EPHA3: variants seen among roughly 807,000 people sequenced by gnomAD.
EPHA3 encodes the protein ephrin type-A receptor 3.
A neutral mutation model predicts 107.1 loss-of-function variants in EPHA3; 42 were observed. The ratio of observed to expected loss-of-function variants is 0.39; its 90% CI spans 0.31 to 0.51. The LOEUF (loss-of-function observed/expected upper bound fraction) is 0.51, where lower values mean the gene tolerates loss of function less well. Ranked by LOEUF, EPHA3 falls within the 20% of genes least tolerant of loss-of-function variation. EPHA3 has a pLI of 0.78. For missense variants in EPHA3, 1,183 were observed against 1,211.2 expected (o/e 0.98, Z 0.35); for synonymous variants, 461 against 424.8 (o/e 1.09, Z -1.05).
chr3:89,390,874 G>A (rs1053750680), intron 5 of EPHA3, among the ~76,000 whole-genome samples: 71 of 144,906 alleles, frequency 4.9e-4, no homozygotes, highest in Non-Finnish European at 8.8e-4. Flanking sequence ...TGCAACCTCC[G>A]CCTCCCGGGT....
At chr3:89,234,951 CCCTCTTTCCCTT>C (rs1351106219) in intron 3 of EPHA3, among the ~76,000 whole-genome samples, 1 of 144,842 alleles carries the variant, frequency 6.9e-6, no homozygotes, top group African/African-American at 2.6e-5. Flanking sequence ...CTCTCTCCCT[CCCTCTTTCCCTT>C]CCTCCTTCCT....
chr3:89,275,688 A>G (rs1283825691), intron 3 of EPHA3, among the ~76,000 whole-genome samples: 1 of 152,120 alleles, frequency 6.6e-6, no homozygotes, highest in African/African-American at 2.4e-5. Context: ...CACAAGTGAT[A>G]GCAGACAGGG....
chr3:89,409,310 TG>T (rs1433013191), intron 9 of EPHA3, among the ~76,000 whole-genome samples: 1 of 152,040 alleles, frequency 6.6e-6, no homozygotes, highest in Non-Finnish European at 1.5e-5. Context: ...TTTTTCTCAA[TG>T]GGCCCACAAA....
intron 3 of EPHA3, among the ~76,000 whole-genome samples, chr3:89,314,972 T>C (rs1381952886): frequency 2.0e-5 from 3 of 151,900 alleles, no homozygotes; most frequent in African/African-American, 7.2e-5. Flanking sequence ...CTTTTGCTCC[T>C]AGGCTACAAA....
intron 3 of EPHA3, among the ~76,000 whole-genome samples, chr3:89,216,218 A>C (rs1476418274): frequency 6.6e-6 from 1 of 151,996 alleles, no homozygotes; most frequent in African/African-American, 2.4e-5. Context: ...CATCTGAGGC[A>C]TCAGAAAATA....
At chr3:89,330,489 G>A (rs9846844) in intron 3 of EPHA3, among the ~76,000 whole-genome samples, 71,263 of 151,658 alleles carry the variant, frequency 0.47, 17,148 homozygotes, top group African/African-American at 0.55. Flanking sequence ...GAAAAATAAA[G>A]TGGGATGGAA....
intron 7 of EPHA3, among the ~76,000 whole-genome samples, chr3:89,404,837 C>G (rs1277573293): frequency 6.6e-6 from 1 of 152,104 alleles, no homozygotes; most frequent in Non-Finnish European, 1.5e-5. Flanking sequence ...GCTGGCTAAT[C>G]AAAATAACCA....
intron 3 of EPHA3, among the ~76,000 whole-genome samples, chr3:89,236,068 C>A (rs1704752969): frequency 6.6e-6 from 1 of 151,922 alleles, no homozygotes; most frequent in Non-Finnish European, 1.5e-5. Flanking sequence ...TGAATATATA[C>A]ATTTGTTTAT....
chr3:89,395,683 G>A (rs1430218809), intron 5 of EPHA3, among the ~76,000 whole-genome samples, 154 bp from the exon 6 acceptor site: 1 of 152,058 alleles, frequency 6.6e-6, no homozygotes, highest in Non-Finnish European at 1.5e-5. Flanking sequence ...ATATTCAAGA[G>A]CCTTGGAAAT....
At chr3:89,252,148 TG>T (rs757289991) in intron 3 of EPHA3, among the ~76,000 whole-genome samples, 2 of 152,150 alleles carry the variant, frequency 1.3e-5, no homozygotes, top group Admixed American at 6.6e-5. Flanking sequence ...TCAGAGTAAA[TG>T]TGATTCCATA....
At chr3:89,121,364 G>C (rs775678662) in intron 1 of EPHA3, among the ~76,000 whole-genome samples, 23 of 152,062 alleles carry the variant, frequency 1.5e-4, no homozygotes, top group Non-Finnish European at 2.9e-4. Flanking sequence ...CAGTTTACAG[G>C]AACTTTTATC....
At chr3:89,209,100 CA>C (rs1381416733) in intron 2 of EPHA3, among the ~76,000 whole-genome samples, 1 of 152,162 alleles carries the variant, frequency 6.6e-6, no homozygotes, top group South Asian at 2.1e-4. Context: ...AAGGTTTTTA[CA>C]GTGATAAAAG....
intron 3 of EPHA3, among the ~76,000 whole-genome samples, chr3:89,303,391 T>C (rs1706535930): frequency 6.7e-6 from 1 of 149,904 alleles, no homozygotes; most frequent in South Asian, 2.1e-4. Context: ...ATATATTTTC[T>C]CTTTAATTCA....
intron 2 of EPHA3, among the ~76,000 whole-genome samples, chr3:89,129,922 A>G (rs2106982408): frequency 6.6e-6 from 1 of 152,326 alleles, no homozygotes. Context: ...CTGGCAGTAC[A>G]TCTGACTGGA....
chr3:89,147,486 AT>A (rs1371526333), intron 2 of EPHA3, among the ~76,000 whole-genome samples: 1 of 151,896 alleles, frequency 6.6e-6, no homozygotes, highest in African/African-American at 2.4e-5. Context: ...ATTTGTGCTA[AT>A]TTTGCTTTGG....
intron 2 of EPHA3, among the ~76,000 whole-genome samples, chr3:89,151,163 A>G (rs1292235934): frequency 6.6e-6 from 1 of 152,072 alleles, no homozygotes; most frequent in Non-Finnish European, 1.5e-5. Context: ...TCTAATTATC[A>G]TACCTAAAAT....
intron 2 of EPHA3, among the ~76,000 whole-genome samples, chr3:89,190,427 T>C (rs956667144): frequency 4.6e-5 from 7 of 152,128 alleles, no homozygotes; most frequent in Non-Finnish European, 8.8e-5. Context: ...CCTATAAACA[T>C]AGGCTTTATT....
intron 12 of EPHA3, among the ~76,000 whole-genome samples, chr3:89,430,943 G>A (rs1709554237): frequency 6.6e-6 from 1 of 152,074 alleles, no homozygotes; most frequent in South Asian, 2.1e-4. Flanking sequence ...GATACTTCCT[G>A]TTACAAAGTA....
intron 3 of EPHA3, among the ~76,000 whole-genome samples, chr3:89,260,854 G>A (rs1008069681): frequency 3.9e-5 from 6 of 152,206 alleles, no homozygotes; most frequent in South Asian, 2.1e-4. Context: ...ATGAATGGCT[G>A]CTTTTTCCCA....
Sources: gnomAD v4.1 joint callset for allele counts (sites outside exome capture counted in the v4.1 genomes callset) on GRCh38, gnomAD v4.1.1 for gene constraint, MANE v1.5 for transcripts, NCBI Gene and HGNC (gene_info 2026-07-23, HGNC 2026-07-21) for gene names.